The following ADAM9 variants were observed in gnomAD, a reference collection of about 807,000 sequenced individuals.
ADAM9 encodes the protein disintegrin and metalloproteinase domain-containing protein 9.
ADAM9 carries 54 observed loss-of-function variants against 108.1 expected under a neutral mutation model. The observed-to-expected ratio is 0.50, with a 90% confidence interval of 0.40 to 0.63. The LOEUF (loss-of-function observed/expected upper bound fraction) is 0.63, where lower values mean the gene tolerates loss of function less well. Ranked by LOEUF, ADAM9 falls within the 20% of genes least tolerant of loss-of-function variation. ADAM9 has a pLI of 0.00. For synonymous variants in ADAM9, 316 were observed against 336.0 expected, an observed-to-expected ratio of 0.94 and a Z score of 0.65; for missense variants, 830 against 997.7, an observed-to-expected ratio of 0.83 and a Z score of 2.26.
At chr8:39,005,152 A>G (rs1166249463) in intron 1 of ADAM9, among the ~76,000 whole-genome samples, 1 of 152,120 alleles carries the variant, frequency 6.6e-6, no homozygotes, top group Non-Finnish European at 1.5e-5. Flanking sequence ...ACAAAGATCT[A>G]TCTTCTGTGA....
intron 12 of ADAM9, among the ~76,000 whole-genome samples, chr8:39,046,924 A>G (rs1042935326): frequency 1.3e-5 from 2 of 152,088 alleles, no homozygotes; most frequent in Admixed American, 6.5e-5. Flanking sequence ...ATATGCCACC[A>G]TGCCTCACAC....
Position 39,104,328 on chromosome 8 carries a change from A to G in ADAM9, c.*628A>G. The G allele has an allele frequency of 4.4e-6, 2 of 452,294 alleles. No individual in the cohort carries two copies. 28.0% of individuals were successfully genotyped at this position (452,294 alleles called of 1,614,324 possible). On this transcript the variant is annotated 3_prime_UTR_variant, in exon 22 of 22. Transcript: ENST00000487273. ...ATACTAAAAGAGTGTGTGTGTATTC[A>G]CGCAGTTACTCGCTTCCATTTTTAT...
intron 1 of ADAM9, among the ~76,000 whole-genome samples, chr8:38,999,525 T>G (rs1835932220): frequency 6.6e-6 from 1 of 152,164 alleles, no homozygotes; most frequent in Non-Finnish European, 1.5e-5. Context: ...TAAAATCATT[T>G]GTGTAGTAAG....
intron 2 of ADAM9, among the ~76,000 whole-genome samples, chr8:39,009,806 T>C (rs986349573): frequency 5.3e-5 from 8 of 150,612 alleles, no homozygotes; most frequent in Admixed American, 1.3e-4. Context: ...CATTTAGGTA[T>C]TGGGGATACG....
intron 5 of ADAM9, 39 bp downstream of exon 5, chr8:39,016,233 C>G (rs1302763736): frequency 6.6e-7 from 1 of 1,523,044 alleles, no homozygotes; most frequent in South Asian, 1.1e-5. Context: ...TTTGTTTCCC[C>G]TATGTCTTAC....
intron 6 of ADAM9, among the ~76,000 whole-genome samples, chr8:39,017,780 A>G (rs1435727722): frequency 1.3e-5 from 2 of 152,082 alleles, no homozygotes; most frequent in African/African-American, 2.4e-5. Flanking sequence ...TTTTGTAGAG[A>G]TGAGGTCTCA....
Position 39,096,494 on chromosome 8 carries a change from A to G in ADAM9, c.2298+5148A>G, listed in dbSNP as rs560710034. On this transcript the variant is annotated intron_variant, in intron 20 of 21. Coordinates refer to ENST00000487273, the MANE Select transcript of ADAM9 (RefSeq NM_003816.3). ...ATGACACAAAATTACCTCTTTTTAT[A>G]TTGCTTATCATTAACACAGATTCAT... Among the ~76,000 whole-genome samples, 75 of 152,138 alleles carry G rather than the reference A, an allele frequency of 4.9e-4. 1 individual carries two copies. The highest frequency in any genetic ancestry group is 5.9e-4 in the Non-Finnish European group (40 of 67,950).
chr8:39,024,178 CACTGGAA>C (rs752452722), intron 9 of ADAM9, among the ~76,000 whole-genome samples: 9 of 152,202 alleles, frequency 5.9e-5, no homozygotes, highest in Non-Finnish European at 1.3e-4. Flanking sequence ...TTTTCCCCGT[CACTGGAA>C]ACTTGTAGGA....
chr8:39,033,418 C>T (rs940664289), intron 11 of ADAM9, among the ~76,000 whole-genome samples: 1 of 151,758 alleles, frequency 6.6e-6, no homozygotes, highest in Non-Finnish European at 1.5e-5. Flanking sequence ...GTTTTCTTTT[C>T]TCACTGCAGT....
intron 9 of ADAM9, 85 bp downstream of exon 9, chr8:39,023,410 C>G: frequency 4.3e-6 from 6 of 1,398,136 alleles, no homozygotes; most frequent in Non-Finnish European, 5.8e-6. Context: ...ATTATATTCT[C>G]TTGAGGTTTT....
chr8:39,024,698 A>AT (rs929694708), intron 9 of ADAM9, among the ~76,000 whole-genome samples: 1 of 152,238 alleles, frequency 6.6e-6, no homozygotes, highest in African/African-American at 2.4e-5. Context: ...GGGACATAGC[A>AT]GTGAACAAAA....
chr8:39,092,083 A>G (rs1305846786), intron 20 of ADAM9, among the ~76,000 whole-genome samples: 1 of 152,162 alleles, frequency 6.6e-6, no homozygotes, highest in Admixed American at 6.5e-5. Flanking sequence ...AGATCATGAT[A>G]TACTTTTATT....
chr8:39,012,351 A>C (rs994070476), intron 3 of ADAM9, among the ~76,000 whole-genome samples: 6 of 152,206 alleles, frequency 3.9e-5, no homozygotes, highest in African/African-American at 1.2e-4. Flanking sequence ...TCTAGTCAAT[A>C]TAGACAGGCT....
At position 39,018,906 on chromosome 8, in the gene ADAM9, A is replaced by G; in HGVS notation, c.660A>G (p.Val220=). 6.2e-7 allele frequency: 1 copy of G among 1,614,024 alleles called. No individual in the cohort carries two copies. Among genetic ancestry groups the G allele is most frequent in the Non-Finnish European group, 8.5e-7 (1 of 1,179,926 alleles). The change falls in exon 7 of 22, where the codon GTA becomes GTG. Residue 220 remains valine, a synonymous_variant. Transcript: ENST00000487273. The stretch of plus-strand genomic sequence containing the variant: ...GGTATGTGGAGCTGTTCATTGTCGT[A>G]GACAAGGAAAGGGTAAGATTGGTGA... ...QTRYVELFIV[V]DKERYDMMGR...
rs77051047 is a variant in ADAM9, at chr8:39,102,787, A to G, written c.2367-820A>G. ...ACTAAAAACTAAAAGAATCAATGCAAATTCTAGAACTGAAAAACACAGGAA... is the reference window on the plus strand; with the variant it reads ...ACTAAAAACTAAAAGAATCAATGCAGATTCTAGAACTGAAAAACACAGGAA... On this transcript the variant is annotated intron_variant, in intron 21 of 21. Coordinates refer to ENST00000487273, the MANE Select transcript of ADAM9 (RefSeq NM_003816.3). 5.7e-3 allele frequency among the ~76,000 whole-genome samples: 867 copies of G among 152,344 alleles called. 10 individuals carry two copies. Among genetic ancestry groups the G allele is most frequent in the African/African-American group, 0.02 (825 of 41,584 alleles).
chr8:39,055,740 A>T lies in ADAM9; in HGVS notation c.1559A>T (p.Tyr520Phe). 2 of 1,613,598 alleles carry T rather than the reference A, an allele frequency of 1.2e-6. No individual in the cohort carries two copies. Among genetic ancestry groups the T allele is most frequent in the South Asian group, 2.2e-5 (2 of 91,048 alleles). Reference sequence around the variant, plus strand: ...TGCTACAACGGCATGTGCCAGTATTATGATGCTCAATGTCAAGTCATCTTT... The same window carrying T: ...TGCTACAACGGCATGTGCCAGTATTTTGATGCTCAATGTCAAGTCATCTTT... The part of the protein sequence containing the change: ...AYCYNGMCQY[Y>F]DAQCQVIFGS... The change falls in exon 14 of 22, where the codon TAT (tyrosine) becomes TTT (phenylalanine). Residue 520 changes from tyrosine to phenylalanine, a missense_variant. By Grantham distance (22) the Tyr-to-Phe change is conservative. This residue lies in a region of ADAM9 where 381 missense variants were observed against 539.8 expected (regional missense o/e 0.71). Coordinates refer to ENST00000487273, the MANE Select transcript of ADAM9 (RefSeq NM_003816.3).
chr8:39,104,076 A>G lies in ADAM9; in HGVS notation c.*376A>G. 2.2e-6 allele frequency: 1 copy of G among 463,404 alleles called. No homozygotes were observed. The highest frequency in any genetic ancestry group is 4.3e-6 in the Non-Finnish European group (1 of 233,322). The allele number at this position is 463,404 out of a possible 1,614,324, so 28.7% of individuals were successfully genotyped here. ...AGTGTTATTCTGAATTTTCTACCTT[A>G]GTTATCATTAATGTAGTTCCTCATT... On this transcript the variant is annotated 3_prime_UTR_variant, in exon 22 of 22. Coordinates refer to ENST00000487273, the MANE Select transcript of ADAM9 (RefSeq NM_003816.3).
chr8:39,047,925 T>C (rs1837825638), intron 12 of ADAM9, among the ~76,000 whole-genome samples: 1 of 151,836 alleles, frequency 6.6e-6, no homozygotes, highest in African/African-American at 2.4e-5. Flanking sequence ...AAGCTTTCCT[T>C]GTATTTTTTT....
chr8:39,056,342 T>C (rs1004206523), intron 14 of ADAM9, among the ~76,000 whole-genome samples: 2 of 151,600 alleles, frequency 1.3e-5, no homozygotes, highest in African/African-American at 4.8e-5. Flanking sequence ...GAGGCAGTTT[T>C]ACCTTTTTTG....
Sources: gnomAD v4.1 joint callset for allele counts (sites outside exome capture counted in the v4.1 genomes callset) on GRCh38, gnomAD v4.1.1 for gene constraint, gnomAD v4.1.1 regional missense constraint, MANE v1.5 for transcripts, NCBI Gene and HGNC (gene_info 2026-07-23, HGNC 2026-07-21) for gene names.